Variants in COX7A2 observed in about 807,000 individuals in gnomAD.
COX7A2 encodes cytochrome c oxidase subunit 7A2, mitochondrial.
Under a neutral mutation model 11.6 loss-of-function variants are expected in COX7A2, and 11 were observed. That is an observed-to-expected ratio of 0.95 (90% CI 0.60 to 1.57). The LOEUF (loss-of-function observed/expected upper bound fraction) is 1.57. COX7A2 is among the 40% of genes most tolerant of loss of function. The pLI, the probability that COX7A2 is intolerant of heterozygous loss-of-function variation, is 0.00. For missense variants in COX7A2, 106 were observed against 100.9 expected (o/e 1.05, Z -0.22); for synonymous variants, 30 against 38.2 (o/e 0.78, Z 0.79).
chr6:75,239,247 T>G (rs1771415611), intron 3 of COX7A2, among the ~76,000 whole-genome samples: 1 of 152,172 alleles, frequency 6.6e-6, no homozygotes, highest in Non-Finnish European at 1.5e-5. Context: ...GACAGTCTTG[T>G]GCCATCAACC....
chr6:75,246,885 C>A (rs1029667963), upstream of COX7A2, among the ~76,000 whole-genome samples: 10 of 152,166 alleles, frequency 6.6e-5, no homozygotes, highest in African/African-American at 1.7e-4. Flanking sequence ...AGAAACATTA[C>A]CACATTTTAA....
rs1265256087 is a variant in COX7A2, at chr6:75,240,392, T to TA, written c.109-8_109-7insT. 4.6e-5 allele frequency: 64 copies of TA among 1,400,480 alleles called. No homozygotes were observed. In the East Asian group the frequency reaches 5.3e-4, roughly 12 times the overall value. The allele number at this position is 1,400,480 out of a possible 1,614,324, so 86.8% of individuals were successfully genotyped here. A position where few individuals can be genotyped will look rare whatever the true frequency, so the allele number is the denominator to read the frequency against. ...GTGGAATTTCATCATCCTCCTAGAT[T>TA]TAAAAAAAAAAAAAAAAGACAATAA... is the stretch of plus-strand genomic sequence containing the variant. On this transcript the variant is annotated splice_polypyrimidine_tract_variant and splice_region_variant and intron_variant, in intron 2 of 3. Coordinates refer to ENST00000684430, the MANE Select transcript of COX7A2 (RefSeq NM_001366293.2).
intron 2 of COX7A2, 147 bp downstream of exon 2, chr6:75,241,029 T>G: frequency 1.0e-6 from 1 of 994,714 alleles, no homozygotes; most frequent in Non-Finnish European, 1.4e-6. Context: ...ACAACCACTA[T>G]TAGCACTATG....
upstream of COX7A2, among the ~76,000 whole-genome samples, chr6:75,245,009 C>G (rs372465639): frequency 6.6e-6 from 1 of 152,190 alleles, no homozygotes; most frequent in Admixed American, 6.5e-5. Context: ...TGTCCATAAT[C>G]TGAATTTGTT....
At chr6:75,249,187 A>G (rs1007315251) in intron 1 of COX7A2, among the ~76,000 whole-genome samples, 1 of 152,226 alleles carries the variant, frequency 6.6e-6, no homozygotes, top group Non-Finnish European at 1.5e-5. Flanking sequence ...CAGTGAGCCA[A>G]GATCACGCCA....
At chr6:75,246,339 A>G (rs932903789), upstream of COX7A2, among the ~76,000 whole-genome samples, 2 of 152,184 alleles carry the variant, frequency 1.3e-5, no homozygotes, top group African/African-American at 4.8e-5. Flanking sequence ...ATCATACTCT[A>G]TAAACCAATT....
chr6:75,247,351 A>G (rs889848812), upstream of COX7A2, among the ~76,000 whole-genome samples: 4 of 152,190 alleles, frequency 2.6e-5, no homozygotes, highest in African/African-American at 9.6e-5. Context: ...GTGCGTACAC[A>G]CATCTGTTAA....
At chr6:75,244,439 G>A (rs1005389115), upstream of COX7A2, among the ~76,000 whole-genome samples, 5 of 152,174 alleles carry the variant, frequency 3.3e-5, no homozygotes, top group African/African-American at 1.2e-4. Flanking sequence ...ACAAGAAATG[G>A]GATGGCGAAT....
chr6:75,243,162 T>C (rs1000423744), intron 1 of COX7A2, among the ~76,000 whole-genome samples: 53 of 152,300 alleles, frequency 3.5e-4, no homozygotes, highest in African/African-American at 1.2e-3. Flanking sequence ...ATATTTCACA[T>C]GCTCAAAGTC....
Position 75,248,861 on chromosome 6 carries a change from A to C in COX7A2, c.-44+1195T>G, listed in dbSNP as rs567707245. Reference sequence around the variant, plus strand: ...TCTAATTAGGAATATCATACATAACAGTAAATTTGATGCAGACATAAATGA... The same window carrying C: ...TCTAATTAGGAATATCATACATAACCGTAAATTTGATGCAGACATAAATGA... On this transcript the variant is annotated intron_variant, in intron 1 of 4. Coordinates refer to the COX7A2 transcript ENST00000370081. 2.7e-4 allele frequency among the ~76,000 whole-genome samples: 41 copies of C among 152,364 alleles called. No homozygotes were observed. In the South Asian group the frequency reaches 7.5e-3, roughly 28 times the overall value.
chr6:75,240,471 A>T lies in COX7A2; in HGVS notation c.109-86T>A, dbSNP rs796324021. ...TTCAAAAGAACAGGCATATAAAATG[A>T]TATAGCTCCTTAAATCCCTAGAATT... is the stretch of plus-strand genomic sequence containing the variant. On this transcript the variant is annotated intron_variant, in intron 2 of 3. Transcript: ENST00000684430. 7 of 838,010 alleles carry T rather than the reference A, an allele frequency of 8.4e-6. No individual in the cohort carries two copies. The African/African-American group carries it at 1.2e-4, about 15-fold the overall frequency. The allele number at this position is 838,010 out of a possible 1,614,324, so 51.9% of individuals were successfully genotyped here. A position where few individuals can be genotyped will look rare whatever the true frequency, so the allele number is the denominator to read the frequency against.
intron 1 of COX7A2, among the ~76,000 whole-genome samples, chr6:75,243,334 T>C (rs1284855247): frequency 6.6e-6 from 1 of 152,130 alleles, no homozygotes; most frequent in Non-Finnish European, 1.5e-5. Flanking sequence ...AACCTTTCAG[T>C]ACCAGAAAAA....
chr6:75,243,398 T>C (rs1207171443), intron 1 of COX7A2, among the ~76,000 whole-genome samples: 1 of 152,060 alleles, frequency 6.6e-6, no homozygotes, highest in Admixed American at 6.5e-5. Flanking sequence ...TGGGTCTTGG[T>C]TTTACTCAGA....
At chr6:75,239,050 G>C (rs1312237155) in intron 3 of COX7A2, among the ~76,000 whole-genome samples, 3 of 152,238 alleles carry the variant, frequency 2.0e-5, no homozygotes, top group African/African-American at 7.2e-5. Flanking sequence ...CCTGACCTCA[G>C]GTGATCTGCC....
chr6:75,239,375 C>G (rs915221789), intron 3 of COX7A2, among the ~76,000 whole-genome samples: 4 of 152,192 alleles, frequency 2.6e-5, no homozygotes, highest in Admixed American at 1.3e-4. Flanking sequence ...CAACAGAGAT[C>G]TTCCATGTTG....
At chr6:75,241,152 A>T (rs1399460965) in intron 2 of COX7A2, 24 bp downstream of exon 2, 1 of 1,584,042 alleles carries the variant, frequency 6.3e-7, no homozygotes, top group African/African-American at 1.3e-5. Context: ...TACAAGTAAC[A>T]TCTCCTATAA....
chr6:75,246,166 T>C (rs969172694), upstream of COX7A2, among the ~76,000 whole-genome samples: 2 of 152,234 alleles, frequency 1.3e-5, no homozygotes, highest in African/African-American at 2.4e-5. Flanking sequence ...CAACTCTCAC[T>C]TATCTCTCGC....
At chr6:75,242,947 C>T (rs1351285486) in intron 1 of COX7A2, among the ~76,000 whole-genome samples, 3 of 152,184 alleles carry the variant, frequency 2.0e-5, no homozygotes, top group African/African-American at 7.2e-5. Context: ...TCTCTCATTA[C>T]ATTTTTCCTA....
intron 1 of COX7A2, among the ~76,000 whole-genome samples, chr6:75,249,024 G>A (rs190902951): frequency 3.3e-5 from 5 of 152,304 alleles, no homozygotes; most frequent in Admixed American, 2.6e-4. Flanking sequence ...TTGGGAGGCC[G>A]AGGCGGGCAG....
Sources: gnomAD v4.1 joint callset for allele counts (sites outside exome capture counted in the v4.1 genomes callset) on GRCh38, gnomAD v4.1.1 for gene constraint, MANE v1.5 for transcripts, NCBI Gene and HGNC (gene_info 2026-07-23, HGNC 2026-07-21) for gene names.